PDE4D: variants seen among roughly 807,000 people sequenced by gnomAD.
PDE4D encodes the protein 3',5'-cyclic-AMP phosphodiesterase 4D.
In PDE4D, 24 loss-of-function variants were observed where a neutral mutation model predicts 87.4. The observed-to-expected ratio is 0.27, with a 90% CI of 0.20 to 0.39. PDE4D has a LOEUF of 0.39. Among genes scored for constraint, PDE4D ranks in the 10% least tolerant of loss-of-function variants. PDE4D has a pLI of 1.00. For synonymous variants in PDE4D, 384 were observed against 383.2 expected (o/e 1.00, Z -0.02); for missense variants, 714 against 1,041.0 (o/e 0.69, Z 4.32).
At chr5:59,817,246 C>T (rs1424167300) in intron 1 of PDE4D, among the ~76,000 whole-genome samples, 3 of 152,200 alleles carry the variant, frequency 2.0e-5, no homozygotes. Flanking sequence ...TCATTTAGAT[C>T]ACACACATTT....
At chr5:59,972,946 T>C (rs1359001267) in intron 3 of PDE4D, among the ~76,000 whole-genome samples, 1 of 152,214 alleles carries the variant, frequency 6.6e-6, no homozygotes, top group East Asian at 1.9e-4. Flanking sequence ...TTGGTTCTGC[T>C]GGTGATCTTT....
chr5:59,861,553 T>C (rs1746291457), intron 1 of PDE4D, among the ~76,000 whole-genome samples: 1 of 152,306 alleles, frequency 6.6e-6, no homozygotes, highest in South Asian at 2.1e-4. Context: ...TCAATTTGAG[T>C]GTCTCTTCAA....
At chr5:59,682,742 T>A (rs1749233016) in intron 1 of PDE4D, among the ~76,000 whole-genome samples, 1 of 152,082 alleles carries the variant, frequency 6.6e-6, no homozygotes. Context: ...TTAGCACAGA[T>A]CATGGGATTT....
At chr5:59,619,104 G>A (rs10805516) in intron 1 of PDE4D, among the ~76,000 whole-genome samples, 131,613 of 152,214 alleles carry the variant, frequency 0.86, 56,955 homozygotes, top group South Asian at 0.93. Context: ...AAACTGATAT[G>A]ACTTGACAAT....
chr5:60,439,934 A>C (rs1375156767), intron 1 of PDE4D, among the ~76,000 whole-genome samples: 5 of 151,974 alleles, frequency 3.3e-5, no homozygotes, highest in African/African-American at 9.7e-5. Flanking sequence ...AAAACAAAAA[A>C]AAAAAACCCT....
chr5:59,529,951 C>T (rs148488914), intron 1 of PDE4D, among the ~76,000 whole-genome samples: 359 of 152,240 alleles, frequency 2.4e-3, no homozygotes, highest in African/African-American at 8.3e-3. Context: ...CCGGGTAAGG[C>T]CCCAGTGCTG....
At chr5:60,126,627 T>C (rs1779145244) in intron 2 of PDE4D, among the ~76,000 whole-genome samples, 1 of 152,228 alleles carries the variant, frequency 6.6e-6, no homozygotes, top group African/African-American at 2.4e-5. Context: ...GGAGTCAAAC[T>C]GGGCTGGCCA....
At chr5:60,180,452 G>C (rs1784287411) in intron 2 of PDE4D, among the ~76,000 whole-genome samples, 1 of 152,152 alleles carries the variant, frequency 6.6e-6, no homozygotes, top group African/African-American at 2.4e-5. Context: ...AGAGACTTCA[G>C]AGAGATACAG....
chr5:59,062,089 C>G (rs958078368), intron 5 of PDE4D, among the ~76,000 whole-genome samples: 1 of 152,070 alleles, frequency 6.6e-6, no homozygotes, highest in Admixed American at 6.6e-5. Flanking sequence ...GTAGGAACTA[C>G]TTCATTCTTT....
At chr5:59,442,139 T>G (rs1424163404) in intron 1 of PDE4D, among the ~76,000 whole-genome samples, 1 of 152,216 alleles carries the variant, frequency 6.6e-6, no homozygotes, top group Non-Finnish European at 1.5e-5. Context: ...CAATGGGCTT[T>G]GGGACCATTT....
At chr5:59,282,205 C>A (rs1765934906) in intron 1 of PDE4D, among the ~76,000 whole-genome samples, 1 of 152,030 alleles carries the variant, frequency 6.6e-6, no homozygotes, top group Non-Finnish European at 1.5e-5. Flanking sequence ...ATACCAATCT[C>A]AAGGGATAAA....
intron 1 of PDE4D, among the ~76,000 whole-genome samples, chr5:59,288,372 T>C (rs1328107991): frequency 6.6e-6 from 1 of 151,810 alleles, no homozygotes; most frequent in Non-Finnish European, 1.5e-5. Flanking sequence ...AACTGTGAGC[T>C]TGAAGACAGC....
At chr5:59,038,508 C>T (rs1758957664) in intron 6 of PDE4D, among the ~76,000 whole-genome samples, 1 of 152,184 alleles carries the variant, frequency 6.6e-6, no homozygotes, top group Non-Finnish European at 1.5e-5. Context: ...ATTTCACAGA[C>T]ATCCACCAAT....
At chr5:59,807,302 A>C (rs962037408) in intron 1 of PDE4D, among the ~76,000 whole-genome samples, 8 of 152,104 alleles carry the variant, frequency 5.3e-5, no homozygotes, top group African/African-American at 1.9e-4. Context: ...GCCCCAAACC[A>C]ATGTACTTTT....
At chr5:59,690,419 T>C (rs1750711295) in intron 1 of PDE4D, among the ~76,000 whole-genome samples, 1 of 152,070 alleles carries the variant, frequency 6.6e-6, no homozygotes, top group African/African-American at 2.4e-5. Context: ...ATACTACACA[T>C]CTTCAACCAT....
rs187031185 is a variant in PDE4D at position 59,549,005 on chromosome 5, G to A, written c.456-333037C>T. Among the ~76,000 whole-genome samples, 57 of 152,240 alleles carry A rather than the reference G, an allele frequency of 3.7e-4. No homozygotes were observed. In the East Asian group the frequency reaches 9.3e-3, roughly 25 times the overall value. ...TTATTTTCAATGTTCACTCTCTGGC[G>A]TAAAGGCTGTGAGGTGAATTGCTGA... On this transcript the variant is annotated intron_variant, in intron 1 of 14. Transcript: ENST00000340635.
At chr5:59,163,738 G>T (rs1244473363) in intron 5 of PDE4D, among the ~76,000 whole-genome samples, 1 of 152,200 alleles carries the variant, frequency 6.6e-6, no homozygotes, top group East Asian at 1.9e-4. Flanking sequence ...TGGCAACTGG[G>T]GTATATTCCT....
intron 1 of PDE4D, among the ~76,000 whole-genome samples, chr5:60,407,318 G>A (rs1741623183): frequency 1.3e-5 from 2 of 151,930 alleles, no homozygotes; most frequent in South Asian, 4.2e-4. Context: ...CAGGGCACAT[G>A]TGCAGTAAAT....
chr5:59,394,219 G>A (rs563210043), intron 1 of PDE4D, among the ~76,000 whole-genome samples: 25 of 152,312 alleles, frequency 1.6e-4, no homozygotes, highest in African/African-American at 5.8e-4. Flanking sequence ...CGGCAAGCCT[G>A]CAGCCTTAGA....
Sources: allele counts gnomAD v4.1 joint callset (sites outside exome capture counted in the v4.1 genomes callset), GRCh38; gene constraint gnomAD v4.1.1; transcripts MANE v1.5; gene names NCBI Gene and HGNC (gene_info 2026-07-23, HGNC 2026-07-21).